CACNA1E: variants seen among roughly 807,000 people sequenced by gnomAD.
The protein encoded by CACNA1E is voltage-dependent R-type calcium channel subunit alpha-1E.
Under a neutral mutation model 259.2 loss-of-function variants are expected in CACNA1E, and 40 were observed. That is an observed-to-expected ratio of 0.15 (90% confidence interval 0.12 to 0.20). The LOEUF (loss-of-function observed/expected upper bound fraction) is 0.20. Among genes scored for constraint, CACNA1E ranks in the 10% least tolerant of loss-of-function variants. The probability of loss-of-function intolerance (pLI) is 1.00; values close to 1 mark genes in which losing one functional copy is unlikely to be tolerated. For missense variants in CACNA1E, 1,874 were observed against 3,040.1 expected (o/e 0.62, Z 9.02); for synonymous variants, 1,104 against 1,138.5 (o/e 0.97, Z 0.61).
chr1:181,367,157 G>A (rs1472386240), intron 1 of CACNA1E, among the ~76,000 whole-genome samples: 4 of 152,140 alleles, frequency 2.6e-5, no homozygotes, highest in Non-Finnish European at 5.9e-5. Flanking sequence ...AGAGTGTTGT[G>A]GTTGCGCCTT....
intron 1 of CACNA1E, among the ~76,000 whole-genome samples, chr1:181,412,796 G>A (rs895592811): frequency 2.0e-4 from 31 of 152,322 alleles, no homozygotes; most frequent in African/African-American, 7.5e-4. Context: ...CCTTACCAAC[G>A]CGGCATATCA....
At chr1:181,404,563 C>T (rs933330171) in intron 1 of CACNA1E, among the ~76,000 whole-genome samples, 3 of 152,162 alleles carry the variant, frequency 2.0e-5, no homozygotes, top group Non-Finnish European at 4.4e-5. Context: ...AAACAGAAGT[C>T]AGAGGGCACA....
chr1:181,791,918 A>G (rs1661350890), intron 44 of CACNA1E, among the ~76,000 whole-genome samples: 1 of 152,154 alleles, frequency 6.6e-6, no homozygotes, highest in Non-Finnish European at 1.5e-5. Context: ...AGCTCAAACA[A>G]ATGCGTGCTT....
At chr1:181,698,331 C>T (rs75851390) in intron 7 of CACNA1E, among the ~76,000 whole-genome samples, 16 of 152,338 alleles carry the variant, frequency 1.1e-4, no homozygotes, top group Admixed American at 3.3e-4. Context: ...AAGAGAGCAG[C>T]TCCTTAGGAA....
chr1:181,378,913 G>A (rs1030424905), intron 1 of CACNA1E, among the ~76,000 whole-genome samples: 3 of 152,096 alleles, frequency 2.0e-5, no homozygotes, highest in Non-Finnish European at 4.4e-5. Context: ...ATATTTATGG[G>A]GAAACAATTT....
chr1:181,322,383 C>G (rs1412835076), intron 1 of CACNA1E, among the ~76,000 whole-genome samples: 2 of 152,174 alleles, frequency 1.3e-5, no homozygotes, highest in African/African-American at 4.8e-5. Flanking sequence ...GAGCCTGGAA[C>G]TAGGCCATTG....
chr1:181,395,242 A>T (rs1053503320), intron 1 of CACNA1E, among the ~76,000 whole-genome samples: 7 of 152,164 alleles, frequency 4.6e-5, no homozygotes, highest in Admixed American at 4.6e-4. Context: ...ATGATTGGAT[A>T]TGGGGAATGA....
At position 181,686,275 on chromosome 1, in the gene CACNA1E, G is replaced by GTTTTTTTTTTTTTTTTTTT. The variant is rs66526388; in HGVS notation, c.1056-24669_1056-24651dup. On this transcript the variant is annotated intron_variant, in intron 7 of 47. Transcript: ENST00000367573. ...AGGCTTGGAGGCCAGTAAGAACCAA[G>GTTTTTTTTTTTTTTTTTTT]TTTTTTTTTTTTTTTTTTTTTTTTT... 3.9e-4 allele frequency among the ~76,000 whole-genome samples: 23 copies of GTTTTTTTTTTTTTTTTTTT among 58,670 alleles called. 1 individual carries two copies. The highest frequency in any genetic ancestry group is 7.4e-4 in the African/African-American group (12 of 16,128). The allele number at this position is 58,670 out of a possible 152,430, so 38.5% of individuals were successfully genotyped here. A position where few individuals can be genotyped will look rare whatever the true frequency, so the allele number is the denominator to read the frequency against.
chr1:181,412,721 G>C (rs1291687002), intron 1 of CACNA1E, among the ~76,000 whole-genome samples: 1 of 152,204 alleles, frequency 6.6e-6, no homozygotes. Flanking sequence ...CAGCCAGCTA[G>C]CTGTCCGAGG....
chr1:181,505,431 G>A (rs1331759558), intron 1 of CACNA1E, among the ~76,000 whole-genome samples: 3 of 151,822 alleles, frequency 2.0e-5, no homozygotes, highest in Non-Finnish European at 2.9e-5. Flanking sequence ...GAATGCAGTC[G>A]CACGATCTCA....
At chr1:181,503,189 C>T (rs1252972366) in intron 1 of CACNA1E, among the ~76,000 whole-genome samples, 8 of 152,312 alleles carry the variant, frequency 5.3e-5, no homozygotes, top group South Asian at 2.1e-4. Context: ...CTTATGTCTT[C>T]GGCATTACTC....
intron 3 of CACNA1E, among the ~76,000 whole-genome samples, chr1:181,555,779 G>T (rs544829824): frequency 1.3e-5 from 2 of 152,312 alleles, no homozygotes; most frequent in East Asian, 3.9e-4. Context: ...GTACTATGTT[G>T]TAATCATATG....
Position 181,757,081 on chromosome 1 carries a change from G to C in CACNA1E, c.4284G>C (p.Glu1428Asp). The C allele has an allele frequency of 6.2e-7, 1 of 1,613,948 alleles. No individual in the cohort carries two copies. The highest frequency in any genetic ancestry group is 1.1e-5 in the South Asian group (1 of 91,082). The change falls in exon 30 of 48, where the codon GAG becomes GAC. Residue 1428 changes from glutamate to aspartate, a missense_variant. By Grantham distance (45) the Glu-to-Asp change is conservative. Around this residue, in one of 14 missense-constraint regions of CACNA1E, gnomAD observed 188 missense variants for 540.6 expected, o/e 0.35. Coordinates refer to ENST00000367573, the MANE Select transcript of CACNA1E (RefSeq NM_001205293.3). Reference sequence around the variant, plus strand: ...CTCTCATCATCATCACCTTCCAGGAGCAAGGGGATAAGATGATGGAGGAGT... The same window carrying C: ...CTCTCATCATCATCACCTTCCAGGACCAAGGGGATAAGATGATGGAGGAGT... ...FVALIIITFQ[E>D]QGDKMMEECS...
intron 4 of CACNA1E, 66 bp from the exon 5 acceptor site, chr1:181,579,006 T>C: frequency 7.5e-7 from 1 of 1,325,138 alleles, no homozygotes; most frequent in Non-Finnish European, 1.0e-6. Context: ...GGAATGAAAC[T>C]AATCCTCCCC....
At chr1:181,772,953 C>A (rs959729884) in intron 37 of CACNA1E, among the ~76,000 whole-genome samples, 4 of 152,244 alleles carry the variant, frequency 2.6e-5, no homozygotes, top group Middle Eastern at 3.4e-3. Context: ...AACTTCTACC[C>A]TGCATATCAG....
At chr1:181,577,209 A>G (rs1195631700) in intron 3 of CACNA1E, among the ~76,000 whole-genome samples, 2 of 152,356 alleles carry the variant, frequency 1.3e-5, no homozygotes, top group East Asian at 3.9e-4. Flanking sequence ...GGTTTGTGCA[A>G]TTATAAAAAT....
chr1:181,529,759 C>T (rs900590203), intron 3 of CACNA1E, among the ~76,000 whole-genome samples: 1 of 152,170 alleles, frequency 6.6e-6, no homozygotes, highest in Non-Finnish European at 1.5e-5. Context: ...CCAATTTTTC[C>T]CATTTGGAAT....
intron 7 of CACNA1E, among the ~76,000 whole-genome samples, chr1:181,658,048 G>T (rs1659352048): frequency 6.6e-6 from 1 of 152,132 alleles, no homozygotes. Flanking sequence ...AATCTTATCT[G>T]ATATTCTTTG....
At position 181,772,005 on chromosome 1, in the gene CACNA1E, C is replaced by T. The variant is rs990958273; in HGVS notation, c.4974-61C>T. ...AGGATGGGGAAATTGGGAAAGAGGA[C>T]CAAGAATATGATAGGATCTGCAGAG... On this transcript the variant is annotated intron_variant, in intron 36 of 47. Coordinates refer to ENST00000367573, the MANE Select transcript of CACNA1E (RefSeq NM_001205293.3). 2.0e-6 allele frequency: 3 copies of T among 1,508,120 alleles called. No homozygotes were observed. The Admixed American group carries it at 5.3e-5, about 27-fold the overall frequency. The allele number at this position is 1,508,120 out of a possible 1,614,324, so 93.4% of individuals were successfully genotyped here. A position where few individuals can be genotyped will look rare whatever the true frequency, so the allele number is the denominator to read the frequency against.
Sources: gnomAD v4.1 joint callset for allele counts (sites outside exome capture counted in the v4.1 genomes callset) on GRCh38, gnomAD v4.1.1 for gene constraint, gnomAD v4.1.1 regional missense constraint, MANE v1.5 for transcripts, NCBI Gene and HGNC (gene_info 2026-07-23, HGNC 2026-07-21) for gene names.